KIAA1755: variants seen among roughly 807,000 people sequenced by gnomAD.
The protein encoded by KIAA1755 is uncharacterized protein KIAA1755.
In KIAA1755, 68 loss-of-function variants were observed where a neutral mutation model predicts 91.7. That is an observed-to-expected ratio of 0.74 (90% CI 0.61 to 0.91). The LOEUF is 0.91. Ranked by LOEUF, KIAA1755 falls within the 40% of genes least tolerant of loss-of-function variation. The pLI is 0.00. For synonymous variants in KIAA1755, 610 were observed against 604.6 expected, an observed-to-expected ratio of 1.01 and a Z score of -0.13; for missense variants, 1,535 against 1,494.4, an observed-to-expected ratio of 1.03 and a Z score of -0.45.
chr20:38,237,358 T>C (rs2075976236), intron 4 of KIAA1755, among the ~76,000 whole-genome samples: 1 of 151,916 alleles, frequency 6.6e-6, no homozygotes, highest in Non-Finnish European at 1.5e-5. Flanking sequence ...TTCAACACAA[T>C]TAGCCTGCAC....
intron 8 of KIAA1755, among the ~76,000 whole-genome samples, 195 bp from the exon 9 acceptor site, chr20:38,223,831 C>A (rs1255639290): frequency 6.6e-6 from 1 of 152,130 alleles, no homozygotes; most frequent in Non-Finnish European, 1.5e-5. Context: ...TCCTCTGGGG[C>A]GAGGCATGGT....
chr20:38,217,664 A>G, intron 12 of KIAA1755, 190 bp from the exon 13 acceptor site: 1 of 594,952 alleles, frequency 1.7e-6, no homozygotes, highest in Non-Finnish European at 3.0e-6. Flanking sequence ...GGGTTGAACA[A>G]TTAAGAGCAG....
At chr20:38,222,834 G>A (rs775519922) in intron 9 of KIAA1755, 15 of 594,264 alleles carry the variant, frequency 2.5e-5, no homozygotes, top group African/African-American at 7.4e-5. Flanking sequence ...CAGCCTCTTC[G>A]CTGATCTCCC....
rs1327175082 is a variant in KIAA1755, at chr20:38,212,934, G to A, written c.*108C>T. ...AGCAGAGGCAGAATGTAAAACCAGT[G>A]CTCCATGGTGACGTCTCACTGGGAC... On this transcript the variant is annotated 3_prime_UTR_variant, in exon 14 of 14. Coordinates refer to ENST00000279024, the MANE Select transcript of KIAA1755 (RefSeq NM_001029864.2). 1.2e-6 allele frequency: 1 copy of A among 808,084 alleles called. No individual in the cohort carries two copies. The highest frequency in any genetic ancestry group is 1.9e-6 in the Non-Finnish European group (1 of 523,716). The allele number at this position is 808,084 out of a possible 1,614,324, so 50.1% of individuals were successfully genotyped here. A position where few individuals can be genotyped will look rare whatever the true frequency, so the allele number is the denominator to read the frequency against.
chr20:38,226,332 G>A (rs903073145), intron 7 of KIAA1755, among the ~76,000 whole-genome samples: 1 of 152,174 alleles, frequency 6.6e-6, no homozygotes, highest in Admixed American at 6.5e-5. Context: ...CTTGGGATTT[G>A]GTGGATTCTG....
chr20:38,246,002 T>TC lies in KIAA1755; in HGVS notation c.127dup (p.Asp43GlyfsTer18). On this transcript the variant is annotated frameshift_variant, in exon 2 of 14. Coordinates refer to ENST00000279024, the MANE Select transcript of KIAA1755 (RefSeq NM_001029864.2). LOFTEE classifies it high-confidence loss of function. ...GAAATCCAGAAGGAAGCTCAGCCCA[T>TC]CCCCCTGGAAGCCAGAGTCCAGGAG... 6.2e-7 allele frequency: 1 copy of TC among 1,613,756 alleles called. No individual in the cohort carries two copies. The highest frequency in any genetic ancestry group is 8.5e-7 in the Non-Finnish European group (1 of 1,179,918).
At chr20:38,220,664 G>A (rs1368381795) in intron 10 of KIAA1755, among the ~76,000 whole-genome samples, 1 of 152,146 alleles carries the variant, frequency 6.6e-6, no homozygotes, top group Non-Finnish European at 1.5e-5. Context: ...GGACAGCCAG[G>A]GCAGAGAACC....
At chr20:38,246,263 T>C in intron 1 of KIAA1755, 137 bp from the exon 2 acceptor site, 1 of 688,574 alleles carries the variant, frequency 1.5e-6, no homozygotes, top group Non-Finnish European at 2.5e-6. Flanking sequence ...CCCCCCTCAC[T>C]CATCACTGCC....
rs745439796 is a variant in KIAA1755, at chr20:38,240,809, A to G, written c.1322T>C (p.Val441Ala). The G allele has an allele frequency of 1.2e-6, 2 of 1,613,170 alleles. No individual in the cohort carries two copies. Among genetic ancestry groups the G allele is most frequent in the South Asian group, 1.1e-5 (1 of 90,938 alleles). ...AAAASETKIE[V>A]KTKERNGRLP... The stretch of plus-strand genomic sequence containing the variant: ...TCTCCCATTTCTCTCTTTGGTCTTC[A>G]CCTCTATCTTTGTTTCAGAGGCTGC... The change falls in exon 3 of 14, where the codon GTG becomes GCG. Residue 441 changes from valine to alanine, a missense_variant. Physicochemically the swap from Val to Ala is moderately conservative, Grantham distance 64. Coordinates refer to ENST00000279024, the MANE Select transcript of KIAA1755 (RefSeq NM_001029864.2).
intron 12 of KIAA1755, 86 bp downstream of exon 12, chr20:38,218,158 C>T: frequency 6.4e-7 from 1 of 1,569,624 alleles, no homozygotes; most frequent in Non-Finnish European, 8.7e-7. Flanking sequence ...TCTTTCCCAC[C>T]TCCACAGCTT....
chr20:38,229,086 A>C (rs2075814934), intron 5 of KIAA1755, among the ~76,000 whole-genome samples: 1 of 152,188 alleles, frequency 6.6e-6, no homozygotes, highest in Non-Finnish European at 1.5e-5. Context: ...ACCCTCGGCC[A>C]GTCTAATGAT....
In KIAA1755 at chr20:38,218,285, T is replaced by C. The variant is rs181716857; in HGVS notation, c.2638A>G (p.Lys880Glu). 74 of 1,614,218 alleles carry C rather than the reference T, an allele frequency of 4.6e-5. No individual in the cohort carries two copies. The highest frequency in any genetic ancestry group is 1.2e-4 in the African/African-American group (9 of 75,054). Reference protein sequence around the residue: ...PKDGSLETVEKAHAEFENFFL... With the variant: ...PKDGSLETVEEAHAEFENFFL... ...AAGTTCTCAAATTCTGCGTGGGCTT[T>C]CTCCACTGTCTCCAAACTTCCATCC... The change falls in exon 12 of 14, where the codon AAA (lysine) becomes GAA (glutamate). Residue 880 changes from lysine to glutamate, a missense_variant. By Grantham distance (56) the Lys-to-Glu change is moderately conservative (BLOSUM62 1). Transcript: ENST00000279024.
At chr20:38,245,841 GGCCAGCCCACCTCCTTCTCT>G in intron 2 of KIAA1755, 68 bp downstream of exon 2, 1 of 1,284,570 alleles carries the variant, frequency 7.8e-7, no homozygotes, top group Non-Finnish European at 1.1e-6. Context: ...ACAAGACACA[GGCCAGCCCACCTCCTTCTCT>G]GCCCGCCTCT....
At chr20:38,246,938 A>G (rs1326444803) in intron 1 of KIAA1755, among the ~76,000 whole-genome samples, 2 of 152,028 alleles carry the variant, frequency 1.3e-5, no homozygotes, top group Non-Finnish European at 2.9e-5. Flanking sequence ...CCCCTCCACC[A>G]ACAGCTCTCC....
rs2075453954 is a variant in KIAA1755 at position 38,211,758 on chromosome 20, A to T, written c.*1284T>A. ...CCTTGAACTTGAGAATGAAGGTCCCATGCCTGCTGAAGAGGCCTTGTGAGA... is the reference window on the plus strand; with the variant it reads ...CCTTGAACTTGAGAATGAAGGTCCCTTGCCTGCTGAAGAGGCCTTGTGAGA... On this transcript the variant is annotated 3_prime_UTR_variant, in exon 14 of 14. Transcript: ENST00000279024. The T allele has an allele frequency of 6.6e-6, 1 of 152,254 alleles. No individual in the cohort carries two copies. The highest frequency in any genetic ancestry group is 6.5e-5 in the Admixed American group (1 of 15,286). 9.4% of individuals were successfully genotyped at this position (152,254 alleles called of 1,614,324 possible). A position where few individuals can be genotyped will look rare whatever the true frequency, so the allele number is the denominator to read the frequency against.
chr20:38,238,887 G>T (rs1181646219), intron 4 of KIAA1755, among the ~76,000 whole-genome samples: 1 of 152,198 alleles, frequency 6.6e-6, no homozygotes, highest in African/African-American at 2.4e-5. Context: ...GAGTCTGAAA[G>T]TATCAGTTGT....
At chr20:38,250,512 C>CTGTGCGTGTG in intron 1 of KIAA1755, among the ~76,000 whole-genome samples, 1 of 138,928 alleles carries the variant, frequency 7.2e-6, no homozygotes, top group East Asian at 2.1e-4. Context: ...GTGTGTGTGT[C>CTGTGCGTGTG]TGTGTGTGTG....
intron 1 of KIAA1755, among the ~76,000 whole-genome samples, chr20:38,255,721 G>A (rs1019365182): frequency 6.6e-6 from 1 of 152,004 alleles, no homozygotes; most frequent in Admixed American, 6.6e-5. Flanking sequence ...GTATTGGCTC[G>A]TATAAAAAAA....
chr20:38,255,014 T>C (rs2076315766), intron 1 of KIAA1755, among the ~76,000 whole-genome samples: 1 of 151,944 alleles, frequency 6.6e-6, no homozygotes, highest in Non-Finnish European at 1.5e-5. Context: ...CTGTCTCTAC[T>C]AAAAATACAA....
Sources: gnomAD v4.1 joint callset for allele counts (sites outside exome capture counted in the v4.1 genomes callset) on GRCh38, gnomAD v4.1.1 for gene constraint, MANE v1.5 for transcripts, NCBI Gene and HGNC (gene_info 2026-07-23, HGNC 2026-07-21) for gene names.